Variants in ZBTB16 observed in about 807,000 individuals in gnomAD.
ZBTB16 encodes the protein zinc finger and BTB domain-containing protein 16.
In ZBTB16, 8 loss-of-function variants were observed where a neutral mutation model predicts 56.8. That is an observed-to-expected ratio of 0.14 (90% CI 0.08 to 0.25). ZBTB16 has a LOEUF of 0.25. ZBTB16 is among the 10% of genes least tolerant of loss of function. The probability of loss-of-function intolerance (pLI) is 1.00; values close to 1 mark genes in which losing one functional copy is unlikely to be tolerated. For missense variants in ZBTB16, 625 were observed against 903.0 expected, an observed-to-expected ratio of 0.69 and a Z score of 3.95; for synonymous variants, 363 against 368.5, an observed-to-expected ratio of 0.98 and a Z score of 0.17.
intron 4 of ZBTB16, among the ~76,000 whole-genome samples, chr11:114,190,062 G>T (rs1197431721): frequency 1.3e-5 from 2 of 152,138 alleles, no homozygotes. Flanking sequence ...CATGAAAGAA[G>T]CCAGATGCAA....
chr11:114,100,419 A>G (rs1046251015), intron 2 of ZBTB16, among the ~76,000 whole-genome samples: 1 of 152,202 alleles, frequency 6.6e-6, no homozygotes, highest in African/African-American at 2.4e-5. Context: ...AAGTAAAAAT[A>G]TTCTTTCCTT....
At chr11:114,140,432 T>C (rs887510474) in intron 2 of ZBTB16, among the ~76,000 whole-genome samples, 2 of 152,346 alleles carry the variant, frequency 1.3e-5, no homozygotes, top group Admixed American at 6.5e-5. Context: ...TATCCTTCAC[T>C]ATGCCAAATA....
intron 4 of ZBTB16, among the ~76,000 whole-genome samples, chr11:114,206,464 A>T (rs1300838590): frequency 6.6e-6 from 1 of 152,156 alleles, no homozygotes; most frequent in Non-Finnish European, 1.5e-5. Flanking sequence ...CCTTTCCTGG[A>T]AATCCCCAGA....
intron 4 of ZBTB16, among the ~76,000 whole-genome samples, chr11:114,224,869 C>T (rs1365858891): frequency 6.6e-6 from 1 of 152,180 alleles, no homozygotes; most frequent in Admixed American, 6.5e-5. Context: ...GTCTGTTGCT[C>T]TTAGTGACAT....
chr11:114,098,842 A>G (rs1382472425), intron 2 of ZBTB16, among the ~76,000 whole-genome samples: 6 of 151,680 alleles, frequency 4.0e-5, no homozygotes, highest in Non-Finnish European at 8.8e-5. Context: ...TGAGGGGAAA[A>G]GGAAATGGGG....
At chr11:114,122,395 C>T (rs527730691) in intron 2 of ZBTB16, among the ~76,000 whole-genome samples, 1 of 152,272 alleles carries the variant, frequency 6.6e-6, no homozygotes, top group African/African-American at 2.4e-5. Context: ...GGCTAATAAA[C>T]AGAGAGAAGA....
chr11:114,153,733 T>C (rs1271067411), intron 2 of ZBTB16, among the ~76,000 whole-genome samples: 1 of 152,198 alleles, frequency 6.6e-6, no homozygotes, highest in African/African-American at 2.4e-5. Context: ...GGGAGAATAA[T>C]AGTGCCCCTT....
intron 4 of ZBTB16, among the ~76,000 whole-genome samples, chr11:114,231,336 T>G (rs1443854913): frequency 6.6e-6 from 1 of 152,182 alleles, no homozygotes; most frequent in Non-Finnish European, 1.5e-5. Flanking sequence ...ATGGGCTTTC[T>G]TGGGGGTCTT....
At chr11:114,147,718 ATG>A (rs1213205023) in intron 2 of ZBTB16, among the ~76,000 whole-genome samples, 3 of 152,232 alleles carry the variant, frequency 2.0e-5, no homozygotes, top group African/African-American at 7.2e-5. Flanking sequence ...CTACAAAAGT[ATG>A]TATTGATCTC....
At chr11:114,126,269 C>T (rs1459347415) in intron 2 of ZBTB16, among the ~76,000 whole-genome samples, 1 of 152,208 alleles carries the variant, frequency 6.6e-6, no homozygotes, top group Non-Finnish European at 1.5e-5. Flanking sequence ...ATCTGCTGCT[C>T]TGTATTGAAA....
chr11:114,244,320 A>T (rs909229130), intron 5 of ZBTB16, among the ~76,000 whole-genome samples: 4 of 145,988 alleles, frequency 2.7e-5, no homozygotes, highest in Admixed American at 2.7e-4. Context: ...GACGACAGAC[A>T]CTGGGCTTGG....
At chr11:114,166,266 G>T (rs1193605737) in intron 3 of ZBTB16, among the ~76,000 whole-genome samples, 1 of 151,296 alleles carries the variant, frequency 6.6e-6, no homozygotes, top group African/African-American at 2.4e-5. Flanking sequence ...GGGAGAGGGG[G>T]CCTGGAGGTG....
At position 114,251,394 on chromosome 11, in the gene ZBTB16, G is replaced by A. The variant is rs1307322457; in HGVS notation, c.*839G>A. On this transcript the variant is annotated 3_prime_UTR_variant, in exon 7 of 7. Transcript: ENST00000335953. ...TACCCCACCCTAGTCCAGCACCATC[G>A]TGAGCAAGATTCCTGCTGCGCTGCT... Among the ~76,000 whole-genome samples the A allele has an allele frequency of 2.0e-5, 3 of 152,240 alleles. No individual in the cohort carries two copies. The highest frequency in any genetic ancestry group is 4.1e-4 in the South Asian group (2 of 4,822).
chr11:114,236,174 C>T (rs1944586240), intron 4 of ZBTB16, among the ~76,000 whole-genome samples: 1 of 152,120 alleles, frequency 6.6e-6, no homozygotes, highest in Non-Finnish European at 1.5e-5. Context: ...ATCTGATTTA[C>T]ATTGAAATGT....
intron 4 of ZBTB16, among the ~76,000 whole-genome samples, chr11:114,199,151 A>G (rs947651121): frequency 3.3e-5 from 5 of 152,090 alleles, no homozygotes; most frequent in African/African-American, 9.7e-5. Flanking sequence ...CCGGGATGCC[A>G]GACACGGATG....
intron 2 of ZBTB16, among the ~76,000 whole-genome samples, chr11:114,109,838 G>T (rs918864992): frequency 1.3e-5 from 2 of 152,192 alleles, no homozygotes; most frequent in African/African-American, 4.8e-5. Context: ...CTCTCAGACA[G>T]TGTGGTATGT....
chr11:114,134,801 G>A lies in ZBTB16; in HGVS notation c.1269-21536G>A, dbSNP rs535745853. Among the ~76,000 whole-genome samples the A allele has an allele frequency of 1.6e-3, 251 of 152,302 alleles. 1 individual carries two copies. The highest frequency in any genetic ancestry group is 8.3e-3 in the South Asian group (40 of 4,826). ...ACAATGAAAATGGATAAAAGAAATG[G>A]AACCAGAGAGAGAAGCAAGAGAGAA... On this transcript the variant is annotated intron_variant, in intron 2 of 6. Transcript: ENST00000335953.
intron 2 of ZBTB16, among the ~76,000 whole-genome samples, chr11:114,103,827 G>T (rs1209345670): frequency 1.3e-5 from 2 of 152,192 alleles, no homozygotes; most frequent in African/African-American, 4.8e-5. Flanking sequence ...TCAAACAGAG[G>T]TGTGGGGGCT....
At chr11:114,129,253 T>C (rs576075239) in intron 2 of ZBTB16, among the ~76,000 whole-genome samples, 1 of 152,374 alleles carries the variant, frequency 6.6e-6, no homozygotes, top group East Asian at 1.9e-4. Context: ...GTTCATGCTA[T>C]TTTAATCTGC....
Sources: allele counts gnomAD v4.1 joint callset (sites outside exome capture counted in the v4.1 genomes callset), GRCh38; gene constraint gnomAD v4.1.1; transcripts MANE v1.5; gene names NCBI Gene and HGNC (gene_info 2026-07-23, HGNC 2026-07-21).